The following MPHOSPH8 variants were observed in gnomAD, a reference collection of about 807,000 sequenced individuals.
MPHOSPH8 encodes M-phase phosphoprotein, mpp.
In MPHOSPH8, 45 loss-of-function variants were observed where a neutral mutation model predicts 87.3. That is an observed-to-expected ratio of 0.52 (90% CI 0.41 to 0.66). The LOEUF is 0.66. Ranked by LOEUF, MPHOSPH8 falls within the 30% of genes least tolerant of loss-of-function variation. The pLI, the probability that MPHOSPH8 is intolerant of heterozygous loss-of-function variation, is 0.00. For synonymous variants in MPHOSPH8, 366 were observed against 376.9 expected, an observed-to-expected ratio of 0.97 and a Z score of 0.33; for missense variants, 883 against 1,020.2, an observed-to-expected ratio of 0.87 and a Z score of 1.83.
Position 19,648,540 on chromosome 13 carries a change from G to A in MPHOSPH8, c.1318+19G>A, listed in dbSNP as rs200743694. Reference sequence around the variant, plus strand: ...TTAAAGAGTGAGTGTAAATATTAACGTTTTGCCATTTACGTTGCTATCTTT... The same window carrying A: ...TTAAAGAGTGAGTGTAAATATTAACATTTTGCCATTTACGTTGCTATCTTT... On this transcript the variant is annotated intron_variant, in intron 4 of 13. Transcript: ENST00000361479. 4.3e-5 allele frequency: 57 copies of A among 1,336,118 alleles called. No homozygotes were observed. In the African/African-American group the frequency reaches 6.6e-4, roughly 15 times the overall value. 82.8% of individuals were successfully genotyped at this position (1,336,118 alleles called of 1,614,324 possible).
chr13:19,634,061 G>C, intron 1 of MPHOSPH8, 100 bp downstream of exon 1: 3 of 1,245,562 alleles, frequency 2.4e-6, no homozygotes, highest in South Asian at 1.3e-5. Flanking sequence ...AAACAGGAGC[G>C]GGGGAGGAAT....
intron 8 of MPHOSPH8, among the ~76,000 whole-genome samples, chr13:19,662,175 G>T (rs1321375513): frequency 6.6e-6 from 1 of 152,118 alleles, no homozygotes; most frequent in Non-Finnish European, 1.5e-5. Flanking sequence ...TCCTGACCTC[G>T]TGATCTGCCT....
chr13:19,662,235 G>C (rs1322229775), intron 8 of MPHOSPH8, among the ~76,000 whole-genome samples: 1 of 151,556 alleles, frequency 6.6e-6, no homozygotes, highest in Non-Finnish European at 1.5e-5. Flanking sequence ...CACCGCGCCT[G>C]GCTGTCACAC....
At chr13:19,661,594 G>A in intron 7 of MPHOSPH8, 104 bp from the exon 8 acceptor site, 1 of 1,210,958 alleles carries the variant, frequency 8.3e-7, no homozygotes, top group Non-Finnish European at 1.1e-6. Context: ...CTAAATCAGT[G>A]CCTATTAGTG....
chr13:19,657,833 T>C (rs1219431283), intron 5 of MPHOSPH8, among the ~76,000 whole-genome samples: 2 of 152,076 alleles, frequency 1.3e-5, no homozygotes, highest in Non-Finnish European at 2.9e-5. Flanking sequence ...GTGGGATGGG[T>C]CATGGGGCAT....
rs2137543352 is a variant in MPHOSPH8 at position 19,668,371 on chromosome 13, T to C, written c.2175-6T>C. 1 of 1,611,608 alleles carries C rather than the reference T, an allele frequency of 6.2e-7. No individual in the cohort carries two copies. The highest frequency in any genetic ancestry group is 8.5e-7 in the Non-Finnish European group (1 of 1,179,066). On this transcript the variant is annotated splice_region_variant and splice_polypyrimidine_tract_variant and intron_variant, in intron 10 of 13. Transcript: ENST00000361479. ...AACGTTAACACGTACTATTTTTTTT[T>C]CTTAGACTTTCAAGAGTAGCAGAAG...
intron 2 of MPHOSPH8, among the ~76,000 whole-genome samples, chr13:19,645,588 T>C (rs1004264652): frequency 6.6e-6 from 1 of 152,036 alleles, no homozygotes; most frequent in Non-Finnish European, 1.5e-5. Flanking sequence ...AAACCCTGTC[T>C]TTACTAAAAA....
At position 19,661,808 on chromosome 13, in the gene MPHOSPH8, GA is replaced by G; in HGVS notation, c.1903del (p.Thr635ProfsTer13). The G allele has an allele frequency of 1.2e-6, 2 of 1,612,940 alleles. No homozygotes were observed. The highest frequency in any genetic ancestry group is 1.7e-6 in the Non-Finnish European group (2 of 1,179,434). ...AKVNGRQKNG[T>X]TALIHAAEKN... ...AAGTGAACGGTCGGCAGAAGAACGG[GA>G]CCACCGCCCTCATTCATGCTGCAGA... is the stretch of plus-strand genomic sequence containing the variant. On this transcript the variant is annotated frameshift_variant, in exon 8 of 14. Coordinates refer to ENST00000361479, the MANE Select transcript of MPHOSPH8 (RefSeq NM_017520.4). LOFTEE classifies it high-confidence loss of function.
At chr13:19,637,572 G>A (rs944376450) in intron 1 of MPHOSPH8, among the ~76,000 whole-genome samples, 3 of 151,852 alleles carry the variant, frequency 2.0e-5, no homozygotes, top group South Asian at 2.1e-4. Flanking sequence ...AAATCCACCC[G>A]CCTCGGCCTC....
At chr13:19,656,257 C>T (rs773426616) in intron 5 of MPHOSPH8, among the ~76,000 whole-genome samples, 4 of 115,490 alleles carry the variant, frequency 3.5e-5, no homozygotes, top group South Asian at 2.9e-4. Flanking sequence ...TCAGCCTGGA[C>T]GACAGAGCAA....
intron 11 of MPHOSPH8, among the ~76,000 whole-genome samples, chr13:19,669,621 G>A (rs1365563641): frequency 6.6e-6 from 1 of 150,556 alleles, no homozygotes; most frequent in Admixed American, 6.7e-5. Context: ...CAATTCTCCT[G>A]CCTCAACCTC....
At chr13:19,641,616 C>T (rs142277669) in intron 1 of MPHOSPH8, among the ~76,000 whole-genome samples, 1,652 of 151,372 alleles carry the variant, frequency 0.011, 27 homozygotes, top group African/African-American at 0.038. Context: ...CCTCAGCTTC[C>T]GAAGTAGCTG....
chr13:19,645,821 A>T (rs1874534662), intron 2 of MPHOSPH8, among the ~76,000 whole-genome samples: 1 of 151,494 alleles, frequency 6.6e-6, no homozygotes, highest in Non-Finnish European at 1.5e-5. Context: ...TGGTTTTGGG[A>T]AATGGGAACA....
At chr13:19,636,377 TAAG>T (rs1874009818) in intron 1 of MPHOSPH8, among the ~76,000 whole-genome samples, 1 of 152,186 alleles carries the variant, frequency 6.6e-6, no homozygotes, top group African/African-American at 2.4e-5. Flanking sequence ...ATAATTAACA[TAAG>T]AACTGTGGAA....
At position 19,659,239 on chromosome 13, in the gene MPHOSPH8, A is replaced by G. The variant is rs779265302; in HGVS notation, c.1741A>G (p.Thr581Ala). 6.2e-7 allele frequency: 1 copy of G among 1,612,648 alleles called. No individual in the cohort carries two copies. Among genetic ancestry groups the G allele is most frequent in the Non-Finnish European group, 8.5e-7 (1 of 1,179,600 alleles). ...TGCTGTGAAAAATGGGGATTATATTACTGTAAAAGTTGCACTTAATTCAAA... is the reference window on the plus strand; with the variant it reads ...TGCTGTGAAAAATGGGGATTATATTGCTGTAAAAGTTGCACTTAATTCAAA... ...RDAVKNGDYITVKVALNSNEE... is the reference protein window; with the variant it reads ...RDAVKNGDYIAVKVALNSNEE... Residue 581 changes from threonine (T) to alanine (A), a missense_variant, in exon 7 of 14, where the codon ACT becomes GCT. Physicochemically the swap from Thr to Ala is moderately conservative, Grantham distance 58. This residue lies in a region of MPHOSPH8 where 741 missense variants were observed against 841.5 expected (regional missense o/e 0.88). Transcript: ENST00000361479.
intron 1 of MPHOSPH8, among the ~76,000 whole-genome samples, chr13:19,639,477 A>G (rs1210284832): frequency 9.2e-5 from 14 of 151,770 alleles, no homozygotes; most frequent in Admixed American, 9.2e-4. Context: ...CACCCGGCTA[A>G]TTTTTGTATT....
intron 5 of MPHOSPH8, among the ~76,000 whole-genome samples, chr13:19,651,577 T>C (rs753186477): frequency 6.6e-6 from 1 of 151,034 alleles, no homozygotes; most frequent in Non-Finnish European, 1.5e-5. Flanking sequence ...GTGCCTATAG[T>C]CACAGCTACT....
At chr13:19,670,172 T>TA (rs1876044065) in intron 11 of MPHOSPH8, 64 bp from the exon 12 acceptor site, 1 of 1,595,428 alleles carries the variant, frequency 6.3e-7, no homozygotes, top group African/African-American at 1.3e-5. Flanking sequence ...CATCTGGTGT[T>TA]GAGTGTTCCT....
At chr13:19,637,398 T>C (rs971413531) in intron 1 of MPHOSPH8, among the ~76,000 whole-genome samples, 5 of 152,190 alleles carry the variant, frequency 3.3e-5, no homozygotes, top group African/African-American at 7.2e-5. Flanking sequence ...TTGTTAATCA[T>C]TTATTTATCT....
Sources: gnomAD v4.1 joint callset for allele counts (sites outside exome capture counted in the v4.1 genomes callset) on GRCh38, gnomAD v4.1.1 for gene constraint, gnomAD v4.1.1 regional missense constraint, MANE v1.5 for transcripts, NCBI Gene and HGNC (gene_info 2026-07-23, HGNC 2026-07-21) for gene names.